CNOT6: variants seen among roughly 807,000 people sequenced by gnomAD.
CNOT6 encodes the protein CCR4-NOT transcription complex subunit 6, also known as carbon catabolite repression 4 protein.
In CNOT6, 12 loss-of-function variants were observed where a neutral mutation model predicts 61.2. The ratio of observed to expected loss-of-function variants is 0.20; its 90% confidence interval spans 0.13 to 0.32. The LOEUF (loss-of-function observed/expected upper bound fraction) is 0.32. Among genes scored for constraint, CNOT6 ranks in the 10% least tolerant of loss-of-function variants. CNOT6 has a pLI of 1.00. For missense variants in CNOT6, 405 were observed against 663.9 expected, an observed-to-expected ratio of 0.61 and a Z score of 4.28; for synonymous variants, 225 against 240.6, an observed-to-expected ratio of 0.94 and a Z score of 0.60.
chr5:180,497,674 A>G (rs991035597), intron 1 of CNOT6, among the ~76,000 whole-genome samples: 1 of 152,188 alleles, frequency 6.6e-6, no homozygotes, highest in Non-Finnish European at 1.5e-5. Flanking sequence ...GGATATGTAG[A>G]TATCTTTATA....
In CNOT6 at chr5:180,556,990, C is replaced by CA. The variant is rs541698585; in HGVS notation, c.385+3520dup. On this transcript the variant is annotated intron_variant, in intron 4 of 11. Coordinates refer to ENST00000261951, the MANE Select transcript of CNOT6 (RefSeq NM_001370472.1). ...AAAAAAGAATGCTACTGAATGGAAT[C>CA]ATACTGTATGCGGTCTTTTGAGATG... Among the ~76,000 whole-genome samples the CA allele has an allele frequency of 3.9e-3, 587 of 151,904 alleles. 4 individuals carry two copies. The highest frequency in any genetic ancestry group is 6.0e-3 in the Non-Finnish European group (410 of 67,976).
At chr5:180,500,524 G>A (rs866238308) in intron 1 of CNOT6, among the ~76,000 whole-genome samples, 13 of 150,286 alleles carry the variant, frequency 8.7e-5, no homozygotes, top group African/African-American at 2.2e-4. Flanking sequence ...TGCAGGCTCC[G>A]CCTCCCGGGT....
chr5:180,495,098 C>G (rs1756542130), intron 1 of CNOT6, among the ~76,000 whole-genome samples: 1 of 152,202 alleles, frequency 6.6e-6, no homozygotes, highest in Non-Finnish European at 1.5e-5. Context: ...TGTCCCGGGA[C>G]TCGTGGCCAA....
intron 3 of CNOT6, among the ~76,000 whole-genome samples, chr5:180,550,755 A>G (rs1182654055): frequency 6.6e-6 from 1 of 152,138 alleles, no homozygotes; most frequent in African/African-American, 2.4e-5. Flanking sequence ...CATCCTTAAC[A>G]CAGGGTCCAG....
chr5:180,573,264 G>A (rs557266633), intron 11 of CNOT6, among the ~76,000 whole-genome samples: 1 of 152,144 alleles, frequency 6.6e-6, no homozygotes, highest in Non-Finnish European at 1.5e-5. Context: ...CCATGGCGGG[G>A]TGCTGCTGAG....
intron 1 of CNOT6, among the ~76,000 whole-genome samples, chr5:180,511,796 A>AT (rs1757409912): frequency 6.6e-6 from 1 of 151,732 alleles, no homozygotes; most frequent in African/African-American, 2.4e-5. Flanking sequence ...AAAATAAAAA[A>AT]TTTTTTTGAG....
At chr5:180,533,260 A>C (rs1758479812) in intron 2 of CNOT6, among the ~76,000 whole-genome samples, 1 of 150,200 alleles carries the variant, frequency 6.7e-6, no homozygotes, top group Non-Finnish European at 1.5e-5. Context: ...AAGCACTCTA[A>C]CATTATAACA....
chr5:180,567,358 A>G, intron 8 of CNOT6, 116 bp downstream of exon 8: 2 of 864,266 alleles, frequency 2.3e-6, no homozygotes, highest in Non-Finnish European at 3.4e-6. Flanking sequence ...TTACTGAAGC[A>G]AAGAATACTG....
At chr5:180,570,890 C>T (rs1409023135) in intron 10 of CNOT6, among the ~76,000 whole-genome samples, 1 of 152,192 alleles carries the variant, frequency 6.6e-6, no homozygotes. Context: ...TACTAAGATG[C>T]TGATCGTGGT....
At chr5:180,524,405 T>G (rs1292231494) in intron 1 of CNOT6, among the ~76,000 whole-genome samples, 2 of 152,330 alleles carry the variant, frequency 1.3e-5, no homozygotes, top group East Asian at 3.9e-4. Context: ...GGTTTTTCAG[T>G]GGGCATATGT....
intron 2 of CNOT6, among the ~76,000 whole-genome samples, chr5:180,536,680 G>A (rs1758716814): frequency 6.6e-6 from 1 of 152,190 alleles, no homozygotes; most frequent in East Asian, 1.9e-4. Flanking sequence ...ATGCCATCTC[G>A]GCTCACTGCA....
At chr5:180,515,750 T>A (rs1400074111) in intron 1 of CNOT6, among the ~76,000 whole-genome samples, 1 of 152,160 alleles carries the variant, frequency 6.6e-6, no homozygotes, top group East Asian at 1.9e-4. Flanking sequence ...TTTCTGCACG[T>A]GAGTTTATTT....
At chr5:180,534,764 TCCGAGAGGCCC>T in intron 2 of CNOT6, 1 of 624 alleles carries the variant, frequency 1.6e-3, no homozygotes, top group African/African-American at 0.013. Flanking sequence ...GTCCCTGGGG[TCCGAGAGGCCC>T]TCGGAATCCA....
chr5:180,558,811 G>T (rs1412653729), intron 4 of CNOT6, among the ~76,000 whole-genome samples: 2 of 49,900 alleles, frequency 4.0e-5, no homozygotes, highest in Non-Finnish European at 1.4e-4. Context: ...TATTTTATTT[G>T]TTTGTTTATT....
intron 2 of CNOT6, among the ~76,000 whole-genome samples, chr5:180,535,997 T>G (rs1298429198): frequency 3.5e-5 from 4 of 113,310 alleles, no homozygotes; most frequent in African/African-American, 6.5e-5. Context: ...GGTTTTTTTT[T>G]TTTTTTTTTT....
At position 180,577,740 on chromosome 5, in the gene CNOT6, CTATAAGCTCAAA is replaced by C. The variant is rs1561672850; in HGVS notation, c.*3541_*3552del. The C allele has an allele frequency of 6.6e-6, 1 of 152,620 alleles. No individual in the cohort carries two copies. Among genetic ancestry groups the C allele is most frequent in the Non-Finnish European group, 1.5e-5 (1 of 68,054 alleles). 9.5% of individuals were successfully genotyped at this position (152,620 alleles called of 1,614,324 possible). On this transcript the variant is annotated 3_prime_UTR_variant, in exon 12 of 12. Coordinates refer to ENST00000261951, the MANE Select transcript of CNOT6 (RefSeq NM_001370472.1). ...AACAAAACCCAGCACATTATCTGCA[CTATAAGCTCAAA>C]GAATGTCACATCCGCCCAGACAGCT... is the stretch of plus-strand genomic sequence containing the variant.
At chr5:180,497,688 A>T (rs1756677087) in intron 1 of CNOT6, among the ~76,000 whole-genome samples, 1 of 152,212 alleles carries the variant, frequency 6.6e-6, no homozygotes, top group Non-Finnish European at 1.5e-5. Flanking sequence ...CTTTATACCC[A>T]TTACTCATAC....
chr5:180,529,038 G>A (rs1278870949), intron 1 of CNOT6, among the ~76,000 whole-genome samples: 1 of 151,862 alleles, frequency 6.6e-6, no homozygotes, highest in African/African-American at 2.4e-5. Context: ...GTGAAACCCC[G>A]TCTGTATTAA....
At chr5:180,496,857 C>A (rs971717587) in intron 1 of CNOT6, among the ~76,000 whole-genome samples, 1 of 152,092 alleles carries the variant, frequency 6.6e-6, no homozygotes, top group African/African-American at 2.4e-5. Flanking sequence ...CTCTTGAATG[C>A]CTGTTCAATT....
Sources: allele counts gnomAD v4.1 joint callset (sites outside exome capture counted in the v4.1 genomes callset), GRCh38; gene constraint gnomAD v4.1.1; transcripts MANE v1.5; gene names NCBI Gene and HGNC (gene_info 2026-07-23, HGNC 2026-07-21).